The following FAM241A variants were observed in gnomAD, a reference collection of about 807,000 sequenced individuals.
FAM241A encodes family with sequence similarity 241 member A, also known as uncharacterized protein FAM241A.
In FAM241A, 7 loss-of-function variants were observed where a neutral mutation model predicts 12.2. The observed-to-expected ratio is 0.58, with a 90% CI of 0.33 to 1.08. The LOEUF is 1.08. Among genes scored for constraint, FAM241A ranks in the 50% least tolerant of loss-of-function variants. The pLI is 0.04. For synonymous variants in FAM241A, 74 were observed against 68.2 expected (o/e 1.08, Z -0.42); for missense variants, 161 against 169.7 (o/e 0.95, Z 0.29).
intron 1 of FAM241A, among the ~76,000 whole-genome samples, chr4:112,179,914 G>GAGATATATATATATATAT (rs1479640205): frequency 1.0e-4 from 12 of 117,770 alleles, no homozygotes; most frequent in African/African-American, 4.2e-4. Context: ...AAGAAAATGT[G>GAGATATATATATATATAT]ATATATATAT....
intron 1 of FAM241A, among the ~76,000 whole-genome samples, chr4:112,174,412 G>A (rs138293481): frequency 1.3e-5 from 2 of 152,354 alleles, no homozygotes; most frequent in East Asian, 3.8e-4. Flanking sequence ...CCAGCACTTT[G>A]GGTGGCTGAA....
chr4:112,146,490 T>A (rs896477383), intron 1 of FAM241A, among the ~76,000 whole-genome samples: 7 of 152,262 alleles, frequency 4.6e-5, no homozygotes, highest in Non-Finnish European at 1.0e-4. Flanking sequence ...GCAAAAGGTT[T>A]AATTTTAAAA....
intron 1 of FAM241A, among the ~76,000 whole-genome samples, chr4:112,161,865 A>G (rs1472782055): frequency 6.6e-6 from 1 of 152,186 alleles, no homozygotes; most frequent in Non-Finnish European, 1.5e-5. Flanking sequence ...AAAAAAGAGA[A>G]TTTTAGACCG....
chr4:112,147,207 A>G (rs1041582241), intron 1 of FAM241A, among the ~76,000 whole-genome samples: 7 of 152,242 alleles, frequency 4.6e-5, no homozygotes, highest in African/African-American at 1.7e-4. Context: ...ATAAAACAAA[A>G]AATGAAAAGT....
In FAM241A at chr4:112,190,034, G is replaced by A. The variant is rs1168372421; in HGVS notation, c.*3096G>A. 1 of 136,002 alleles carries A rather than the reference G, an allele frequency of 7.4e-6. No individual in the cohort carries two copies. Among genetic ancestry groups the A allele is most frequent in the Non-Finnish European group, 1.6e-5 (1 of 62,136 alleles). The allele number at this position is 136,002 out of a possible 1,614,324, so 8.4% of individuals were successfully genotyped here. A position where few individuals can be genotyped will look rare whatever the true frequency, so the allele number is the denominator to read the frequency against. ...AAAACTGAATCTGGCTCTTTCCCTT[G>A]TGGGTATTATGGTTCATGGTTATCT... On this transcript the variant is annotated 3_prime_UTR_variant, in exon 2 of 2. Coordinates refer to ENST00000309733, the MANE Select transcript of FAM241A (RefSeq NM_152400.3).
intron 1 of FAM241A, among the ~76,000 whole-genome samples, chr4:112,152,447 T>TA (rs763431614): frequency 1.5e-4 from 23 of 152,198 alleles, no homozygotes; most frequent in Admixed American, 3.3e-4. Context: ...TGATAATAGA[T>TA]ATTCCAATAG....
In FAM241A at chr4:112,194,906, G is replaced by A. The variant is rs4834239; in HGVS notation, c.*7968G>A. 86,214 of 152,092 alleles carry A rather than the reference G, an allele frequency of 0.57. 26,043 individuals carry two copies. The highest frequency in any genetic ancestry group is 0.82 in the East Asian group (4,242 of 5,174). The allele number at this position is 152,092 out of a possible 1,614,324, so 9.4% of individuals were successfully genotyped here. A position where few individuals can be genotyped will look rare whatever the true frequency, so the allele number is the denominator to read the frequency against. On this transcript the variant is annotated 3_prime_UTR_variant, in exon 2 of 2. Transcript: ENST00000309733. ...GCAATTCTCCTGTCTCAGCAGGAGT[G>A]GTTGGGATTACAGGCACATGCTGGC...
intron 1 of FAM241A, among the ~76,000 whole-genome samples, chr4:112,179,914 G>GAGATATATATATATATATATAT (rs1479640205): frequency 3.5e-4 from 41 of 117,740 alleles, no homozygotes; most frequent in African/African-American, 1.4e-3. Context: ...AAGAAAATGT[G>GAGATATATATATATATATATAT]ATATATATAT....
intron 1 of FAM241A, among the ~76,000 whole-genome samples, chr4:112,175,394 C>T (rs543006688): frequency 6.6e-6 from 1 of 152,236 alleles, no homozygotes; most frequent in East Asian, 1.9e-4. Context: ...AAAAACCTGT[C>T]TCTTTTTCAA....
rs1724053867 is a variant in FAM241A at position 112,186,867 on chromosome 4, T to G, written c.328T>G (p.Trp110Gly). ...AGTCATTTTCTTTTGGGTTATGCTG[T>G]GGTTCCTTGGCCTGCAAGCCCTTGG... ...VIVIFFWVML[W>G]FLGLQALGLV... The change falls in exon 2 of 2, where the codon TGG becomes GGG. Residue 110 changes from tryptophan to glycine, a missense_variant. Physicochemically the swap from Trp to Gly is radical, Grantham distance 184. Coordinates refer to ENST00000309733, the MANE Select transcript of FAM241A (RefSeq NM_152400.3). The G allele has an allele frequency of 6.2e-7, 1 of 1,614,044 alleles. No individual in the cohort carries two copies. Among genetic ancestry groups the G allele is most frequent in the Non-Finnish European group, 8.5e-7 (1 of 1,180,006 alleles).
In FAM241A at chr4:112,188,170, A is replaced by C. The variant is rs560981181; in HGVS notation, c.*1232A>C. 2.0e-5 allele frequency: 3 copies of C among 152,284 alleles called. No individual in the cohort carries two copies. The highest frequency in any genetic ancestry group is 7.2e-5 in the African/African-American group (3 of 41,574). 9.4% of individuals were successfully genotyped at this position (152,284 alleles called of 1,614,324 possible). A position where few individuals can be genotyped will look rare whatever the true frequency, so the allele number is the denominator to read the frequency against. On this transcript the variant is annotated 3_prime_UTR_variant, in exon 2 of 2. Transcript: ENST00000309733. ...TTGTTAGAGAACCTAAAATCTTTAC[A>C]CTTTCATCTCAAAGATTATAAAGGA...
At position 112,166,449 on chromosome 4, in the gene FAM241A, T is replaced by G. The variant is rs191505738; in HGVS notation, c.154-20244T>G. Among the ~76,000 whole-genome samples, 417 of 152,290 alleles carry G rather than the reference T, an allele frequency of 2.7e-3. 1 individual carries two copies. Among genetic ancestry groups the G allele is most frequent in the Non-Finnish European group, 5.3e-3 (363 of 68,026 alleles). ...CTTCCCTTTAAATATGTGGTTCAAC[T>G]CCTTTACAATAAGAGATTTAGAAAT... On this transcript the variant is annotated intron_variant, in intron 1 of 1. Transcript: ENST00000309733.
rs1560587305 is a variant in FAM241A at position 112,187,858 on chromosome 4, T to G, written c.*920T>G. 1.3e-5 allele frequency: 2 copies of G among 152,304 alleles called. No individual in the cohort carries two copies. Among genetic ancestry groups the G allele is most frequent in the South Asian group, 4.1e-4 (2 of 4,836 alleles). 9.4% of individuals were successfully genotyped at this position (152,304 alleles called of 1,614,324 possible). On this transcript the variant is annotated 3_prime_UTR_variant, in exon 2 of 2. Coordinates refer to ENST00000309733, the MANE Select transcript of FAM241A (RefSeq NM_152400.3). ...GTATTTCCTATCTTGACATGGATTT[T>G]TTCACAAAAAATTTGTATTTTACTG...
intron 1 of FAM241A, among the ~76,000 whole-genome samples, chr4:112,148,871 TG>T (rs1316894383): frequency 6.6e-6 from 1 of 152,212 alleles, no homozygotes; most frequent in Non-Finnish European, 1.5e-5. Context: ...TCTGCTTAGA[TG>T]TGGCACAATG....
chr4:112,170,502 A>G (rs1004801517), intron 1 of FAM241A, among the ~76,000 whole-genome samples: 4 of 152,192 alleles, frequency 2.6e-5, no homozygotes, highest in Non-Finnish European at 4.4e-5. Context: ...TTATTGTATC[A>G]TAGTCACCCT....
At chr4:112,155,393 T>C (rs1723331224) in intron 1 of FAM241A, among the ~76,000 whole-genome samples, 1 of 152,182 alleles carries the variant, frequency 6.6e-6, no homozygotes, top group Admixed American at 6.5e-5. Flanking sequence ...ATTCTCATTG[T>C]TTTTATCCAT....
chr4:112,154,664 A>G (rs931118555), intron 1 of FAM241A, among the ~76,000 whole-genome samples: 1 of 152,192 alleles, frequency 6.6e-6, no homozygotes, highest in Non-Finnish European at 1.5e-5. Context: ...CAGAGATTTC[A>G]TATTTTTTTT....
At chr4:112,179,604 T>C (rs1267263195) in intron 1 of FAM241A, among the ~76,000 whole-genome samples, 1 of 151,910 alleles carries the variant, frequency 6.6e-6, no homozygotes. Flanking sequence ...ATATATCTAA[T>C]GTAAATGACG....
intron 1 of FAM241A, among the ~76,000 whole-genome samples, chr4:112,169,059 C>T (rs1184586777): frequency 3.9e-5 from 6 of 152,174 alleles, no homozygotes; most frequent in African/African-American, 1.4e-4. Context: ...TTCAATCTTC[C>T]ATATAACTTT....
Sources: allele counts gnomAD v4.1 joint callset (sites outside exome capture counted in the v4.1 genomes callset), GRCh38; gene constraint gnomAD v4.1.1; transcripts MANE v1.5; gene names NCBI Gene and HGNC (gene_info 2026-07-23, HGNC 2026-07-21).